PGR: variants seen among roughly 807,000 people sequenced by gnomAD.
PGR encodes the protein nuclear receptor subfamily 3 group C member 3.
Under a neutral mutation model 76.1 loss-of-function variants are expected in PGR, and 25 were observed. The observed-to-expected ratio is 0.33, with a 90% confidence interval of 0.24 to 0.46. The LOEUF (loss-of-function observed/expected upper bound fraction) is 0.46. Among genes scored for constraint, PGR ranks in the 20% least tolerant of loss-of-function variants. The pLI is 1.00. For missense variants in PGR, 1,172 were observed against 1,225.3 expected (o/e 0.96, Z 0.65); for synonymous variants, 579 against 535.0 (o/e 1.08, Z -1.14).
intron 4 of PGR, among the ~76,000 whole-genome samples, chr11:101,056,800 C>G (rs989202416): frequency 1.3e-5 from 2 of 152,134 alleles, no homozygotes; most frequent in African/African-American, 4.8e-5. Flanking sequence ...TTAAATATCT[C>G]AGCACCTTCT....
At chr11:101,113,422 T>C (rs569938) in intron 2 of PGR, among the ~76,000 whole-genome samples, 40,108 of 127,904 alleles carry the variant, frequency 0.31, 5,439 homozygotes, top group Admixed American at 0.36. Context: ...CCACCATGCC[T>C]GGCTATTTTT....
At chr11:101,048,123 T>C (rs1859956189) in intron 6 of PGR, among the ~76,000 whole-genome samples, 1 of 152,172 alleles carries the variant, frequency 6.6e-6, no homozygotes, top group African/African-American at 2.4e-5. Flanking sequence ...GTGAAGCCAC[T>C]GGCTAGAAGG....
chr11:101,095,479 C>A (rs765507594), intron 2 of PGR, among the ~76,000 whole-genome samples: 1 of 152,216 alleles, frequency 6.6e-6, no homozygotes, highest in Non-Finnish European at 1.5e-5. Context: ...CTCATTTCAT[C>A]ATCAAAGCAA....
intron 4 of PGR, among the ~76,000 whole-genome samples, chr11:101,053,389 C>T (rs1408650434): frequency 1.3e-5 from 2 of 152,150 alleles, no homozygotes; most frequent in African/African-American, 4.8e-5. Flanking sequence ...TCCTTAGCCT[C>T]AATAAGACCA....
chr11:101,073,174 T>C (rs1013162897), intron 3 of PGR, among the ~76,000 whole-genome samples: 1 of 152,174 alleles, frequency 6.6e-6, no homozygotes, highest in African/African-American at 2.4e-5. Context: ...AGAAACTCAC[T>C]CAAAACTGCA....
chr11:101,097,376 A>G (rs1412519051), intron 2 of PGR, among the ~76,000 whole-genome samples: 2 of 152,162 alleles, frequency 1.3e-5, no homozygotes, highest in Non-Finnish European at 2.9e-5. Context: ...GACTGCTCTC[A>G]TAAAGGCTTT....
intron 2 of PGR, among the ~76,000 whole-genome samples, chr11:101,100,407 T>A (rs1020507983): frequency 6.6e-6 from 1 of 152,182 alleles, no homozygotes; most frequent in Admixed American, 6.5e-5. Flanking sequence ...TTAAACCTCT[T>A]TCTTTTATAA....
chr11:101,100,262 TAA>T (rs1861957481), intron 2 of PGR, among the ~76,000 whole-genome samples: 1 of 152,176 alleles, frequency 6.6e-6, no homozygotes, highest in Non-Finnish European at 1.5e-5. Context: ...GATGGTTTTA[TAA>T]GAGTCTAGCA....
At chr11:101,090,151 T>C (rs1204399972) in intron 3 of PGR, among the ~76,000 whole-genome samples, 1 of 151,976 alleles carries the variant, frequency 6.6e-6, no homozygotes, top group Non-Finnish European at 1.5e-5. Flanking sequence ...TGAGCCAAGA[T>C]TGCACCATTG....
chr11:101,055,180 C>T lies in PGR; in HGVS notation c.2213-3612G>A, dbSNP rs181873920. Among the ~76,000 whole-genome samples the T allele has an allele frequency of 3.7e-3, 561 of 151,810 alleles. 6 individuals carry two copies. The highest frequency in any genetic ancestry group is 0.01 in the Middle Eastern group (3 of 292). On this transcript the variant is annotated intron_variant, in intron 4 of 7. Coordinates refer to ENST00000325455, the MANE Select transcript of PGR (RefSeq NM_000926.4). ...CTGTAATCCCAGCACTTTGGGAGGC[C>T]GAGGTGGGTGGATCACAAGGTCAAG... is the stretch of plus-strand genomic sequence containing the variant.
At chr11:101,123,706 T>C (rs1433267321) in intron 2 of PGR, among the ~76,000 whole-genome samples, 6 of 152,220 alleles carry the variant, frequency 3.9e-5, no homozygotes, top group Admixed American at 2.6e-4. Context: ...TTCTTCATCA[T>C]TCAAGAATAT....
chr11:101,098,065 C>T (rs535641117), intron 2 of PGR, among the ~76,000 whole-genome samples: 57 of 152,158 alleles, frequency 3.7e-4, no homozygotes, highest in African/African-American at 1.3e-3. Context: ...CGTGAGCCAC[C>T]GTGCCCAGCC....
At chr11:101,112,479 G>A (rs903516829) in intron 2 of PGR, among the ~76,000 whole-genome samples, 4 of 152,090 alleles carry the variant, frequency 2.6e-5, no homozygotes, top group Admixed American at 2.6e-4. Context: ...CAGAAAAATG[G>A]GATTATAGTT....
At chr11:101,105,292 C>G (rs1448393152) in intron 2 of PGR, among the ~76,000 whole-genome samples, 1 of 152,046 alleles carries the variant, frequency 6.6e-6, no homozygotes, top group African/African-American at 2.4e-5. Context: ...GCTTCTAAGT[C>G]GAGGGCAGAC....
chr11:101,129,528 T>C lies in PGR; in HGVS notation c.-458A>G, dbSNP rs1863032423. On this transcript the variant is annotated 5_prime_UTR_variant, in exon 1 of 8. Transcript: ENST00000325455. ...TCTGGCATCAAACTCGTGCATGCTG[T>C]GAAGCTCTCAGTCCCTCGCTGAGTT... The C allele has an allele frequency of 4.9e-6, 1 of 202,708 alleles. No homozygotes were observed. The highest frequency in any genetic ancestry group is 1.0e-5 in the Non-Finnish European group (1 of 98,896). The allele number at this position is 202,708 out of a possible 1,614,324, so 12.6% of individuals were successfully genotyped here.
chr11:101,107,181 T>C (rs920855156), intron 2 of PGR, among the ~76,000 whole-genome samples: 20 of 152,190 alleles, frequency 1.3e-4, no homozygotes, highest in Admixed American at 3.3e-4. Context: ...CTGCACGTTC[T>C]GCACATGTAC....
intron 3 of PGR, among the ~76,000 whole-genome samples, chr11:101,072,336 A>G (rs1019159711): frequency 7.2e-5 from 11 of 152,206 alleles, no homozygotes; most frequent in African/African-American, 2.7e-4. Context: ...AGCACTAAAC[A>G]TGGAAAGGAA....
intron 2 of PGR, among the ~76,000 whole-genome samples, chr11:101,119,717 TAGA>T (rs1459164073): frequency 2.6e-5 from 4 of 152,178 alleles, no homozygotes; most frequent in African/African-American, 9.7e-5. Flanking sequence ...CTGTTCTGAA[TAGA>T]AGAAGGAACT....
In PGR at chr11:101,127,821, A is replaced by C; in HGVS notation, c.1250T>G (p.Phe417Cys). The C allele has an allele frequency of 6.3e-7, 1 of 1,575,500 alleles. No homozygotes were observed. The highest frequency in any genetic ancestry group is 1.1e-5 in the South Asian group (1 of 88,652). ...AGANPAAFPD[F>C]PLGPPPPLPP... ...CAGCGGGGGCGGTGGCCCCAACGGG[A>C]AATCCGGGAAGGCTGCGGGGTTGGC... The change falls in exon 1 of 8, where the codon TTC (phenylalanine) becomes TGC (cysteine). Residue 417 changes from phenylalanine to cysteine, a missense_variant. This residue lies in a region of PGR where 893 missense variants were observed against 785.9 expected (regional missense o/e 1.14). Coordinates refer to ENST00000325455, the MANE Select transcript of PGR (RefSeq NM_000926.4).
Sources: allele counts gnomAD v4.1 joint callset (sites outside exome capture counted in the v4.1 genomes callset), GRCh38; gene constraint gnomAD v4.1.1; regional missense constraint gnomAD v4.1.1; transcripts MANE v1.5; gene names NCBI Gene and HGNC (gene_info 2026-07-23, HGNC 2026-07-21).